DIS3L2: variants seen among roughly 807,000 people sequenced by gnomAD.
DIS3L2 encodes the protein DIS3 like 3'-5' exoribonuclease 2, also known as DIS3-like exonuclease 2.
A neutral mutation model predicts 97.5 loss-of-function variants in DIS3L2; 34 were observed. The ratio of observed to expected loss-of-function variants is 0.35; its 90% confidence interval spans 0.27 to 0.46. The LOEUF is 0.46. DIS3L2 is among the 20% of genes least tolerant of loss of function. DIS3L2 has a pLI of 1.00. For missense variants in DIS3L2, 1,038 were observed against 1,146.0 expected, an observed-to-expected ratio of 0.91 and a Z score of 1.36; for synonymous variants, 435 against 445.2, an observed-to-expected ratio of 0.98 and a Z score of 0.29.
intron 5 of DIS3L2, among the ~76,000 whole-genome samples, chr2:232,048,535 A>G (rs1221400487): frequency 6.6e-6 from 1 of 152,176 alleles, no homozygotes; most frequent in Non-Finnish European, 1.5e-5. Context: ...GATCGAGACC[A>G]TCCTGGCTAA....
chr2:232,305,056 A>G (rs1404045607), intron 14 of DIS3L2, among the ~76,000 whole-genome samples: 1 of 151,928 alleles, frequency 6.6e-6, no homozygotes, highest in African/African-American at 2.4e-5. Flanking sequence ...CCTTCCCAAT[A>G]TGAATATTTG....
intron 14 of DIS3L2, 28 bp from the exon 15 acceptor site, chr2:232,329,785 T>TGCCGGGGGGGGCC: frequency 3.0e-4 from 292 of 967,018 alleles, no homozygotes; most frequent in Non-Finnish European, 3.9e-4. Flanking sequence ...ACCCCAGCGG[T>TGCCGGGGGGGGCC]CCCTCCCATC....
At chr2:232,000,712 C>T (rs1574800154) in intron 1 of DIS3L2, among the ~76,000 whole-genome samples, 2 of 115,470 alleles carry the variant, frequency 1.7e-5, no homozygotes, top group African/African-American at 3.3e-5. Context: ...TTCCTTCTTT[C>T]TTTCTTCTTC....
chr2:232,218,647 CATCAGCTGGCGTCTA>C (rs1049488561), intron 10 of DIS3L2, among the ~76,000 whole-genome samples: 2 of 152,208 alleles, frequency 1.3e-5, no homozygotes, highest in African/African-American at 4.8e-5. Context: ...TTTATGATGG[CATCAGCTGGCGTCTA>C]ATCAACCAAG....
At chr2:231,965,427 T>C (rs772847627) in intron 1 of DIS3L2, among the ~76,000 whole-genome samples, 15 of 152,158 alleles carry the variant, frequency 9.9e-5, no homozygotes, top group Non-Finnish European at 1.8e-4. Flanking sequence ...CAGAGCAATT[T>C]ATGTAGACAT....
chr2:232,027,697 C>T (rs1694698005), intron 4 of DIS3L2, among the ~76,000 whole-genome samples: 1 of 152,120 alleles, frequency 6.6e-6, no homozygotes, highest in South Asian at 2.1e-4. Context: ...TTTAGGGGAA[C>T]TTGACTTAGG....
At chr2:231,996,977 C>G (rs2106198105) in intron 1 of DIS3L2, among the ~76,000 whole-genome samples, 1 of 152,298 alleles carries the variant, frequency 6.6e-6, no homozygotes, top group African/African-American at 2.4e-5. Context: ...TTCCCCCACC[C>G]TGTTGGCCAC....
intron 10 of DIS3L2, among the ~76,000 whole-genome samples, chr2:232,213,392 C>G (rs982713925): frequency 2.6e-5 from 4 of 152,112 alleles, no homozygotes; most frequent in African/African-American, 9.7e-5. Context: ...GAAAAGGAGT[C>G]AGGGAAGACT....
chr2:231,980,801 T>C (rs1436774892), intron 1 of DIS3L2, among the ~76,000 whole-genome samples: 2 of 152,218 alleles, frequency 1.3e-5, no homozygotes, highest in African/African-American at 4.8e-5. Flanking sequence ...TTAATGGACC[T>C]CTTTATAGTA....
intron 1 of DIS3L2, among the ~76,000 whole-genome samples, chr2:231,993,433 T>C (rs969151832): frequency 6.6e-6 from 1 of 151,846 alleles, no homozygotes; most frequent in Non-Finnish European, 1.5e-5. Context: ...TGGCTGGGCT[T>C]GAACTCCTGA....
chr2:232,189,981 T>C (rs1275448943), intron 9 of DIS3L2, among the ~76,000 whole-genome samples: 1 of 152,188 alleles, frequency 6.6e-6, no homozygotes, highest in Non-Finnish European at 1.5e-5. Context: ...GCAGGTGAAG[T>C]TTGAACTCGG....
At chr2:232,227,116 T>C (rs184872279) in intron 10 of DIS3L2, among the ~76,000 whole-genome samples, 116 of 152,346 alleles carry the variant, frequency 7.6e-4, no homozygotes, top group African/African-American at 2.7e-3. Flanking sequence ...CAAATATTTA[T>C]TGTTTCTGTA....
chr2:232,064,770 G>T (rs1695807576), intron 5 of DIS3L2, among the ~76,000 whole-genome samples: 1 of 151,990 alleles, frequency 6.6e-6, no homozygotes, highest in African/African-American at 2.4e-5. Context: ...GTTATATTTT[G>T]CTTTGAATTT....
intron 11 of DIS3L2, among the ~76,000 whole-genome samples, chr2:232,246,002 A>G (rs1391354146): frequency 6.6e-6 from 1 of 152,254 alleles, no homozygotes; most frequent in Non-Finnish European, 1.5e-5. Context: ...TTGTCTACAC[A>G]CTGGAAGTGC....
At chr2:231,964,266 G>T (rs1692647950) in intron 1 of DIS3L2, among the ~76,000 whole-genome samples, 1 of 152,138 alleles carries the variant, frequency 6.6e-6, no homozygotes, top group South Asian at 2.1e-4. Context: ...ATCTTGAACT[G>T]ATCCTTTTCT....
At chr2:231,987,159 C>T (rs1414756656) in intron 1 of DIS3L2, among the ~76,000 whole-genome samples, 1 of 152,164 alleles carries the variant, frequency 6.6e-6, no homozygotes, top group Non-Finnish European at 1.5e-5. Flanking sequence ...GGACATTCTT[C>T]AGGGCTTGGT....
intron 4 of DIS3L2, among the ~76,000 whole-genome samples, chr2:232,026,728 T>C (rs1260914144): frequency 6.6e-6 from 1 of 152,148 alleles, no homozygotes; most frequent in Non-Finnish European, 1.5e-5. Flanking sequence ...GTAATTTACA[T>C]CTGCAAATGA....
chr2:232,329,785 T>TCCCGGGGGGGGCCCCC, intron 14 of DIS3L2, 28 bp from the exon 15 acceptor site: 97 of 967,062 alleles, frequency 1.0e-4, no homozygotes, highest in Middle Eastern at 3.5e-4. Context: ...ACCCCAGCGG[T>TCCCGGGGGGGGCCCCC]CCCTCCCATC....
chr2:232,165,375 A>G (rs559655884), intron 9 of DIS3L2, among the ~76,000 whole-genome samples: 1 of 152,212 alleles, frequency 6.6e-6, no homozygotes, highest in African/African-American at 2.4e-5. Context: ...GTGTATACGT[A>G]TACACATCAA....
Sources: allele counts gnomAD v4.1 joint callset (sites outside exome capture counted in the v4.1 genomes callset), GRCh38; gene constraint gnomAD v4.1.1; transcripts MANE v1.5; gene names NCBI Gene and HGNC (gene_info 2026-07-23, HGNC 2026-07-21).